Variants in SMCO2 observed in about 807,000 individuals in gnomAD.
SMCO2 encodes the protein single-pass membrane protein with coiled-coil domains 2.
SMCO2 carries 25 observed loss-of-function variants against 29.5 expected under a neutral mutation model. That is an observed-to-expected ratio of 0.85 (90% CI 0.62 to 1.18). The LOEUF (loss-of-function observed/expected upper bound fraction) is 1.18. Among genes scored for constraint, SMCO2 ranks in the 50% most tolerant of loss-of-function variants. SMCO2 has a pLI of 0.00. For missense variants in SMCO2, 348 were observed against 344.5 expected (o/e 1.01, Z -0.08); for synonymous variants, 117 against 123.3 (o/e 0.95, Z 0.34).
intron 4 of SMCO2, among the ~76,000 whole-genome samples, chr12:27,487,986 G>A (rs1449470780): frequency 6.6e-6 from 1 of 151,586 alleles, no homozygotes; most frequent in East Asian, 1.9e-4. Context: ...TAGATACAAG[G>A]CCTTTGCCAT....
the SMCO2 span, among the ~76,000 whole-genome samples, chr12:27,444,236 AC>A: frequency 6.6e-6 from 1 of 152,230 alleles, no homozygotes; most frequent in Admixed American, 6.5e-5. Flanking sequence ...TCAAGAACAT[AC>A]AATAGGGAAA....
At chr12:27,479,313 A>T (rs1377129079) in intron 4 of SMCO2, among the ~76,000 whole-genome samples, 1 of 151,662 alleles carries the variant, frequency 6.6e-6, no homozygotes, top group Non-Finnish European at 1.5e-5. Flanking sequence ...CCTGGGTGGT[A>T]TGCACAGGTG....
rs1292243066 is a variant in SMCO2, at chr12:27,488,440, G to A, written c.363-20G>A. On this transcript the variant is annotated intron_variant, in intron 4 of 7. Coordinates refer to ENST00000298876, the Ensembl canonical transcript of SMCO2. ...GATTTTTCTTAATCTGCAGGCCTTA[G>A]TATCTTGGTCTGTTTGCAGCTTATT... is the stretch of plus-strand genomic sequence containing the variant. The A allele has an allele frequency of 6.8e-7, 1 of 1,467,606 alleles. No individual in the cohort carries two copies. 90.9% of individuals were successfully genotyped at this position (1,467,606 alleles called of 1,614,324 possible).
At chr12:27,487,359 A>G (rs1381002242) in intron 4 of SMCO2, among the ~76,000 whole-genome samples, 1 of 152,110 alleles carries the variant, frequency 6.6e-6, no homozygotes, top group East Asian at 1.9e-4. Flanking sequence ...TTCACTCAGG[A>G]TAATTTTTTT....
At chr12:27,475,230 T>C (rs1949574921) in intron 4 of SMCO2, among the ~76,000 whole-genome samples, 1 of 152,336 alleles carries the variant, frequency 6.6e-6, no homozygotes, top group African/African-American at 2.4e-5. Flanking sequence ...AGTATGTTGT[T>C]AAGCCCTTGT....
the SMCO2 span, among the ~76,000 whole-genome samples, chr12:27,460,119 G>A: frequency 2.6e-5 from 4 of 152,130 alleles, no homozygotes; most frequent in Admixed American, 6.5e-5. Flanking sequence ...TCCCAGCTGC[G>A]TGACTTTTCT....
chr12:27,484,261 C>T (rs1949668671), intron 4 of SMCO2, among the ~76,000 whole-genome samples: 1 of 151,948 alleles, frequency 6.6e-6, no homozygotes, highest in Admixed American at 6.6e-5. Context: ...CGCCTGTAAT[C>T]CCCGCTGCTC....
At chr12:27,446,254 T>C in the SMCO2 span, among the ~76,000 whole-genome samples, 1 of 151,762 alleles carries the variant, frequency 6.6e-6, no homozygotes, top group Non-Finnish European at 1.5e-5. Context: ...GAAGCAGGGA[T>C]TGGGAACAGA....
the SMCO2 span, among the ~76,000 whole-genome samples, chr12:27,435,377 C>A: frequency 6.8e-6 from 1 of 146,730 alleles, no homozygotes; most frequent in South Asian, 2.2e-4. Flanking sequence ...AAAATCCCCG[C>A]CCCCATAATG....
chr12:27,441,012 C>T, the SMCO2 span, among the ~76,000 whole-genome samples: 19 of 152,108 alleles, frequency 1.2e-4, no homozygotes, highest in African/African-American at 4.6e-4. Context: ...AATCCCAGTA[C>T]TTTGGGAGGC....
At chr12:27,470,525 A>G (rs1004812455) in intron 1 of SMCO2, 97 bp from the exon 2 acceptor site, 1 of 1,372,256 alleles carries the variant, frequency 7.3e-7, no homozygotes, top group East Asian at 2.5e-5. Flanking sequence ...ATTAAAGCCA[A>G]ATGCCCTGAG....
the SMCO2 span, among the ~76,000 whole-genome samples, chr12:27,461,138 A>G: frequency 0.61 from 93,036 of 152,088 alleles, 28,880 homozygotes; most frequent in Middle Eastern, 0.72. Context: ...TATACTTTAA[A>G]TCAGTTCCAG....
chr12:27,481,572 G>A (rs182822822), intron 4 of SMCO2, among the ~76,000 whole-genome samples: 38 of 152,282 alleles, frequency 2.5e-4, no homozygotes, highest in African/African-American at 9.1e-4. Context: ...TTAAATGTGG[G>A]ATTGGATTCA....
intron 4 of SMCO2, chr12:27,475,597 G>C (rs1453503521): frequency 3.9e-6 from 6 of 1,541,436 alleles, no homozygotes; most frequent in Non-Finnish European, 5.2e-6. Flanking sequence ...TGAAGGGCAT[G>C]TTCCTCAAGC....
the SMCO2 span, among the ~76,000 whole-genome samples, chr12:27,426,097 G>T: frequency 1.3e-5 from 2 of 152,162 alleles, no homozygotes; most frequent in African/African-American, 4.8e-5. Flanking sequence ...CTCCCATGGG[G>T]ATCTTCCAAC....
At chr12:27,483,595 C>T (rs1049965907) in intron 4 of SMCO2, among the ~76,000 whole-genome samples, 1 of 151,534 alleles carries the variant, frequency 6.6e-6, no homozygotes, top group African/African-American at 2.4e-5. Context: ...ATTTTTGAAA[C>T]TTGTGTGTAG....
chr12:27,460,862 A>G, the SMCO2 span, among the ~76,000 whole-genome samples: 1 of 152,204 alleles, frequency 6.6e-6, no homozygotes, highest in Non-Finnish European at 1.5e-5. Context: ...TTCCTTTTCC[A>G]ACAGCCCAGA....
chr12:27,483,242 A>T (rs513025), intron 4 of SMCO2, among the ~76,000 whole-genome samples: 2 of 151,994 alleles, frequency 1.3e-5, no homozygotes, highest in Admixed American at 6.6e-5. Flanking sequence ...TGATCAATAG[A>T]GGAGTGTTGA....
At chr12:27,434,220 T>C in the SMCO2 span, among the ~76,000 whole-genome samples, 1 of 152,216 alleles carries the variant, frequency 6.6e-6, no homozygotes, top group Non-Finnish European at 1.5e-5. Context: ...ACCTGGGAGC[T>C]TGTCAGGAAT....
Sources: gnomAD v4.1 joint callset for allele counts (sites outside exome capture counted in the v4.1 genomes callset) on GRCh38, gnomAD v4.1.1 for gene constraint, MANE v1.5 for transcripts, NCBI Gene and HGNC (gene_info 2026-07-23, HGNC 2026-07-21) for gene names.